The following PKP4 variants were observed in gnomAD, a reference collection of about 807,000 sequenced individuals.
The protein encoded by PKP4 is plakophilin 4.
In PKP4, 90 loss-of-function variants were observed where a neutral mutation model predicts 145.1. The ratio of observed to expected loss-of-function variants is 0.62; its 90% confidence interval spans 0.52 to 0.74. The LOEUF is 0.74. Among genes scored for constraint, PKP4 ranks in the 30% least tolerant of loss-of-function variants. The probability of loss-of-function intolerance (pLI) is 0.00; values close to 1 mark genes in which losing one functional copy is unlikely to be tolerated. For synonymous variants in PKP4, 563 were observed against 577.2 expected, an observed-to-expected ratio of 0.98 and a Z score of 0.35; for missense variants, 1,340 against 1,482.7, an observed-to-expected ratio of 0.90 and a Z score of 1.58.
At chr2:158,648,714 C>G (rs549561238) in intron 11 of PKP4, among the ~76,000 whole-genome samples, 1 of 152,318 alleles carries the variant, frequency 6.6e-6, no homozygotes, top group South Asian at 2.1e-4. Flanking sequence ...CTTTATAAAA[C>G]ATAGCTGGGT....
At chr2:158,496,792 G>A (rs1574107738) in intron 1 of PKP4, among the ~76,000 whole-genome samples, 1 of 148,344 alleles carries the variant, frequency 6.7e-6, no homozygotes, top group South Asian at 2.2e-4. Flanking sequence ...GTGTGTGTGT[G>A]TGTCTGTGTG....
intron 1 of PKP4, among the ~76,000 whole-genome samples, chr2:158,498,836 T>G (rs1696136172): frequency 6.7e-6 from 1 of 149,140 alleles, no homozygotes; most frequent in Non-Finnish European, 1.5e-5. Context: ...TTTTTTTCCT[T>G]CAGGGGTGAG....
chr2:158,465,956 T>C (rs1267727810), intron 1 of PKP4, among the ~76,000 whole-genome samples: 1 of 152,236 alleles, frequency 6.6e-6, no homozygotes, highest in Non-Finnish European at 1.5e-5. Flanking sequence ...AATCTTCGGA[T>C]AGTATATCGG....
At chr2:158,463,430 G>T (rs2105379130) in intron 1 of PKP4, among the ~76,000 whole-genome samples, 1 of 149,260 alleles carries the variant, frequency 6.7e-6, no homozygotes, top group East Asian at 2.0e-4. Context: ...AAAAAAAAAG[G>T]ATATTTGAAA....
At chr2:158,554,048 T>G (rs74424587) in intron 2 of PKP4, among the ~76,000 whole-genome samples, 16,905 of 150,444 alleles carry the variant, frequency 0.11, 1,263 homozygotes, top group Non-Finnish European at 0.15. Context: ...TCTCCTGCCC[T>G]CTGTGTTCTC....
chr2:158,652,350 G>A (rs914513783), intron 11 of PKP4, among the ~76,000 whole-genome samples: 3 of 152,172 alleles, frequency 2.0e-5, no homozygotes, highest in Non-Finnish European at 4.4e-5. Context: ...AAGGTATGAG[G>A]TGTGTAACTT....
At chr2:158,545,347 G>A (rs887751747) in intron 2 of PKP4, among the ~76,000 whole-genome samples, 7 of 152,164 alleles carry the variant, frequency 4.6e-5, no homozygotes, top group South Asian at 4.1e-4. Flanking sequence ...AAATAAGGAC[G>A]AGAAAGAAAG....
chr2:158,623,140 C>T (rs2052414027), intron 6 of PKP4, among the ~76,000 whole-genome samples: 1 of 152,052 alleles, frequency 6.6e-6, no homozygotes. Flanking sequence ...CATTTTGTTA[C>T]CACTATTACC....
intron 1 of PKP4, among the ~76,000 whole-genome samples, chr2:158,465,920 C>T (rs1690535361): frequency 6.6e-6 from 1 of 152,202 alleles, no homozygotes; most frequent in African/African-American, 2.4e-5. Context: ...AGACTGTCAA[C>T]AGATGAAAAA....
intron 16 of PKP4, among the ~76,000 whole-genome samples, chr2:158,668,512 A>G (rs1302330197): frequency 1.3e-5 from 2 of 152,212 alleles, no homozygotes; most frequent in Non-Finnish European, 2.9e-5. Context: ...CGCCAGGCTC[A>G]CTCATTCATA....
At chr2:158,595,702 G>A (rs1002709542) in intron 3 of PKP4, among the ~76,000 whole-genome samples, 2 of 152,138 alleles carry the variant, frequency 1.3e-5, no homozygotes, top group African/African-American at 4.8e-5. Context: ...TGACGATATA[G>A]AAATTTAAGT....
chr2:158,472,252 C>A (rs1205280633), intron 1 of PKP4, among the ~76,000 whole-genome samples: 2 of 152,050 alleles, frequency 1.3e-5, no homozygotes, highest in African/African-American at 4.8e-5. Flanking sequence ...CAACATCGTG[C>A]TGTACACAAT....
At chr2:158,481,195 A>T (rs565413393) in intron 1 of PKP4, among the ~76,000 whole-genome samples, 97 of 152,266 alleles carry the variant, frequency 6.4e-4, no homozygotes, top group African/African-American at 2.2e-3. Flanking sequence ...AAGTGCTGTG[A>T]TTACAGGTGT....
chr2:158,529,617 A>G (rs2043331901), intron 1 of PKP4, among the ~76,000 whole-genome samples: 1 of 152,214 alleles, frequency 6.6e-6, no homozygotes, highest in South Asian at 2.1e-4. Flanking sequence ...CGCCCTTCCT[A>G]TCATCCTAGT....
At chr2:158,532,851 CTT>C (rs892462965) in intron 1 of PKP4, among the ~76,000 whole-genome samples, 1 of 152,124 alleles carries the variant, frequency 6.6e-6, no homozygotes, top group African/African-American at 2.4e-5. Context: ...GTTTTAAACT[CTT>C]TTTTTCTTTT....
chr2:158,490,581 C>A (rs936636063), intron 1 of PKP4, among the ~76,000 whole-genome samples: 2 of 152,102 alleles, frequency 1.3e-5, no homozygotes, highest in Non-Finnish European at 2.9e-5. Flanking sequence ...GGGGAAATAG[C>A]AAGTTGGGAT....
intron 11 of PKP4, among the ~76,000 whole-genome samples, chr2:158,644,579 A>G (rs566800996): frequency 1.6e-3 from 40 of 25,422 alleles, no homozygotes; most frequent in African/African-American, 3.8e-3. Context: ...AGTAGAATAC[A>G]CATAACAGAT....
At chr2:158,506,523 C>CA (rs930051510) in intron 1 of PKP4, among the ~76,000 whole-genome samples, 1 of 152,160 alleles carries the variant, frequency 6.6e-6, no homozygotes, top group African/African-American at 2.4e-5. Context: ...AGATATGTGT[C>CA]AAAGTCCTCA....
At chr2:158,620,873 A>G in intron 4 of PKP4, 117 bp from the exon 5 acceptor site, 1 of 792,248 alleles carries the variant, frequency 1.3e-6, no homozygotes, top group Admixed American at 2.3e-5. Flanking sequence ...AGCTGAAAAT[A>G]ATAGCCTTGT....
Sources: allele counts gnomAD v4.1 joint callset (sites outside exome capture counted in the v4.1 genomes callset), GRCh38; gene constraint gnomAD v4.1.1; transcripts MANE v1.5; gene names NCBI Gene and HGNC (gene_info 2026-07-23, HGNC 2026-07-21).